The following RAB39A variants were observed in gnomAD, a reference collection of about 807,000 sequenced individuals.
RAB39A encodes the protein RAB39A, member RAS oncogene family.
Under a neutral mutation model 20.9 loss-of-function variants are expected in RAB39A, and 17 were observed. The ratio of observed to expected loss-of-function variants is 0.81; its 90% confidence interval spans 0.56 to 1.22. The LOEUF is 1.22. Ranked by LOEUF, RAB39A falls within the 50% of genes most tolerant of loss-of-function variation. The probability of loss-of-function intolerance (pLI) is 0.00; values close to 1 mark genes in which losing one functional copy is unlikely to be tolerated. For missense variants in RAB39A, 234 were observed against 270.5 expected, an observed-to-expected ratio of 0.87 and a Z score of 0.95; for synonymous variants, 99 against 103.4, an observed-to-expected ratio of 0.96 and a Z score of 0.26.
intron 1 of RAB39A, among the ~76,000 whole-genome samples, chr11:107,941,819 G>A (rs576245602): frequency 6.6e-6 from 1 of 152,116 alleles, no homozygotes; most frequent in Non-Finnish European, 1.5e-5. Context: ...CGGGCCAGTC[G>A]CAGTGGCTCA....
At chr11:107,948,138 A>G (rs1861337770) in intron 1 of RAB39A, among the ~76,000 whole-genome samples, 1 of 152,186 alleles carries the variant, frequency 6.6e-6, no homozygotes, top group East Asian at 1.9e-4. Flanking sequence ...AAGGACAGCC[A>G]TGCCAGATTG....
intron 1 of RAB39A, among the ~76,000 whole-genome samples, chr11:107,929,917 T>A (rs1028445824): frequency 6.6e-6 from 1 of 152,166 alleles, no homozygotes; most frequent in African/African-American, 2.4e-5. Flanking sequence ...TTTGCGTTAG[T>A]CAGCAAGTAC....
intron 1 of RAB39A, among the ~76,000 whole-genome samples, chr11:107,933,311 ATATGTGTGTGTGTG>A (rs1236325536): frequency 2.1e-4 from 11 of 51,978 alleles, no homozygotes; most frequent in African/African-American, 3.4e-4. Context: ...TTATATATAT[ATATGTGTGTGTGTG>A]TGTGTGTGTG....
chr11:107,961,852 A>AT (rs1861498894), intron 1 of RAB39A, 94 bp from the exon 2 acceptor site: 1 of 967,550 alleles, frequency 1.0e-6, no homozygotes, highest in Admixed American at 2.8e-5. Flanking sequence ...TCATATTAAG[A>AT]TATCTTCAAA....
At chr11:107,955,517 A>C (rs1348264710) in intron 1 of RAB39A, among the ~76,000 whole-genome samples, 3 of 152,088 alleles carry the variant, frequency 2.0e-5, no homozygotes, top group African/African-American at 7.2e-5. Context: ...TTTTCCACTT[A>C]ATGGATCAGA....
At chr11:107,946,458 ATATTTTTTTTTTTTTT>A (rs1861318871) in intron 1 of RAB39A, among the ~76,000 whole-genome samples, 4 of 26,726 alleles carry the variant, frequency 1.5e-4, no homozygotes, top group African/African-American at 4.7e-4. Flanking sequence ...ATATATATAT[ATATTTTTTTTTTTTTT>A]TTTTTTTTTT....
At chr11:107,929,730 G>T (rs1418865328) in intron 1 of RAB39A, among the ~76,000 whole-genome samples, 1 of 152,150 alleles carries the variant, frequency 6.6e-6, no homozygotes, top group African/African-American at 2.4e-5. Context: ...TAAATAAAAA[G>T]TAAATGAAAT....
chr11:107,962,030 G>T lies in RAB39A; in HGVS notation c.312G>T (p.Val104=). ...CTAACCGACGATCTTTTGAACATGTGAAAGATTGGCTAGAAGAAGCAAAAA... is the reference window on the plus strand; with the variant it reads ...CTAACCGACGATCTTTTGAACATGTTAAAGATTGGCTAGAAGAAGCAAAAA... ...DITNRRSFEH[V]KDWLEEAKMY... Residue 104 remains valine (V), a synonymous_variant, in exon 2 of 2, where the codon GTG becomes GTT. Transcript: ENST00000320578. 6.2e-7 allele frequency: 1 copy of T among 1,613,916 alleles called. No individual in the cohort carries two copies. Among genetic ancestry groups the T allele is most frequent in the Non-Finnish European group, 8.5e-7 (1 of 1,179,866 alleles).
chr11:107,938,032 G>A (rs1384909237), intron 1 of RAB39A, among the ~76,000 whole-genome samples: 3 of 152,012 alleles, frequency 2.0e-5, no homozygotes, highest in Admixed American at 2.0e-4. Flanking sequence ...CACCCCCAAA[G>A]TGTCTATTTT....
chr11:107,957,417 G>A (rs1324733163), intron 1 of RAB39A, among the ~76,000 whole-genome samples: 1 of 152,214 alleles, frequency 6.6e-6, no homozygotes, highest in Non-Finnish European at 1.5e-5. Context: ...CCTGATCCTA[G>A]AGAATGGGCA....
chr11:107,961,352 G>A (rs1223806499), intron 1 of RAB39A, among the ~76,000 whole-genome samples: 1 of 152,032 alleles, frequency 6.6e-6, no homozygotes, highest in Non-Finnish European at 1.5e-5. Context: ...CTTTTTTTAA[G>A]GGCACTGGTC....
intron 1 of RAB39A, among the ~76,000 whole-genome samples, chr11:107,954,721 G>A (rs2134971425): frequency 6.6e-6 from 1 of 152,228 alleles, no homozygotes; most frequent in Non-Finnish European, 1.5e-5. Flanking sequence ...AGTTGAGAGG[G>A]TGCTGTAAGA....
intron 1 of RAB39A, among the ~76,000 whole-genome samples, chr11:107,956,231 T>G (rs543706136): frequency 6.6e-6 from 1 of 152,338 alleles, no homozygotes; most frequent in South Asian, 2.1e-4. Context: ...ATATTTCTCC[T>G]ATTTTCACAA....
Position 107,962,456 on chromosome 11 carries a change from T to C in RAB39A, c.*84T>C. The C allele has an allele frequency of 7.8e-7, 1 of 1,286,192 alleles. No individual in the cohort carries two copies. The allele number at this position is 1,286,192 out of a possible 1,614,324, so 79.7% of individuals were successfully genotyped here. On this transcript the variant is annotated 3_prime_UTR_variant, in exon 2 of 2. Coordinates refer to ENST00000320578, the MANE Select transcript of RAB39A (RefSeq NM_017516.3). The stretch of plus-strand genomic sequence containing the variant: ...CAACATTAACAGCAGAATGATGCAA[T>C]GAAAGAATTTAAAAAGGTTACAAAC...
Position 107,946,319 on chromosome 11 carries a change from TATATATAC to T in RAB39A, c.228-15625_228-15618del, listed in dbSNP as rs1435600629. Among the ~76,000 whole-genome samples the T allele has an allele frequency of 5.2e-5, 5 of 96,526 alleles. No homozygotes were observed. In the South Asian group the frequency reaches 2.0e-3, roughly 38 times the overall value. The allele number at this position is 96,526 out of a possible 152,430, so 63.3% of individuals were successfully genotyped here. A position where few individuals can be genotyped will look rare whatever the true frequency, so the allele number is the denominator to read the frequency against. On this transcript the variant is annotated intron_variant, in intron 1 of 1. Coordinates refer to ENST00000320578, the MANE Select transcript of RAB39A (RefSeq NM_017516.3). The stretch of plus-strand genomic sequence containing the variant: ...AAAGGAACAGGATACTATATATATA[TATATATAC>T]ACACACACACACACACATATATATA...
At chr11:107,939,670 A>G (rs543954450) in intron 1 of RAB39A, among the ~76,000 whole-genome samples, 2 of 152,124 alleles carry the variant, frequency 1.3e-5, no homozygotes, top group African/African-American at 2.4e-5. Flanking sequence ...TGCCTGGAGT[A>G]TTTATATTTT....
At chr11:107,930,541 T>G (rs902665608) in intron 1 of RAB39A, among the ~76,000 whole-genome samples, 3 of 152,296 alleles carry the variant, frequency 2.0e-5, no homozygotes, top group Admixed American at 1.3e-4. Flanking sequence ...AAAATCTTAT[T>G]GTGTTTAATT....
intron 1 of RAB39A, among the ~76,000 whole-genome samples, chr11:107,955,299 A>G (rs1861422798): frequency 6.6e-6 from 1 of 151,876 alleles, no homozygotes; most frequent in South Asian, 2.1e-4. Flanking sequence ...ACGCGGCCAA[A>G]AGCATGCTTT....
At chr11:107,929,939 A>G (rs1861119801) in intron 1 of RAB39A, among the ~76,000 whole-genome samples, 1 of 152,202 alleles carries the variant, frequency 6.6e-6, no homozygotes, top group Admixed American at 6.5e-5. Context: ...CTGCTTGTGA[A>G]ATGCAGTGTT....
Sources: allele counts gnomAD v4.1 joint callset (sites outside exome capture counted in the v4.1 genomes callset), GRCh38; gene constraint gnomAD v4.1.1; transcripts MANE v1.5; gene names NCBI Gene and HGNC (gene_info 2026-07-23, HGNC 2026-07-21).